Variants in BLM observed in about 807,000 individuals in gnomAD.
The protein encoded by BLM is BLM RecQ like helicase, also known as recQ-like DNA helicase BLM.
Under a neutral mutation model 135.3 loss-of-function variants are expected in BLM, and 95 were observed. The ratio of observed to expected loss-of-function variants is 0.70; its 90% CI spans 0.59 to 0.83. The LOEUF is 0.83. Ranked by LOEUF, BLM falls within the 40% of genes least tolerant of loss-of-function variation. The pLI is 0.00. For synonymous variants in BLM, 520 were observed against 589.2 expected (o/e 0.88, Z 1.70); for missense variants, 1,518 against 1,663.9 (o/e 0.91, Z 1.53).
chr15:90,807,835 C>T (rs1188198099), intron 19 of BLM, among the ~76,000 whole-genome samples: 1 of 152,172 alleles, frequency 6.6e-6, no homozygotes, highest in Non-Finnish European at 1.5e-5. Context: ...AGACTCAATA[C>T]ATGAGGTACA....
At position 90,761,075 on chromosome 15, in the gene BLM, G is replaced by C. The variant is rs1360373872; in HGVS notation, c.1702G>C (p.Glu568Gln). The C allele has an allele frequency of 1.8e-5, 28 of 1,574,562 alleles. No homozygotes were observed. The Admixed American group carries it at 5.3e-4, about 30-fold the overall frequency. Residue 568 changes from glutamate to glutamine, a missense_variant, in exon 7 of 22, where the codon GAA becomes CAA. This residue lies in a region of BLM where 724 missense variants were observed against 756.9 expected (regional missense o/e 0.96). Coordinates refer to ENST00000355112, the MANE Select transcript of BLM (RefSeq NM_000057.4). ...IDDFDDDDDW[E>Q]DIMHNLAASK... ...TGACTTTGATGATGATGATGACTGGGAAGACATAATGCATAATTTAGCAGC... is the reference window on the plus strand; with the variant it reads ...TGACTTTGATGATGATGATGACTGGCAAGACATAATGCATAATTTAGCAGC...
chr15:90,790,598 T>C, intron 14 of BLM, 51 bp from the exon 15 acceptor site: 5 of 1,536,008 alleles, frequency 3.3e-6, no homozygotes, highest in Non-Finnish European at 4.5e-6. Context: ...ATGAAAATGT[T>C]CCTTCAAGTC....
chr15:90,788,466 G>GTT (rs1210685761), intron 14 of BLM, among the ~76,000 whole-genome samples: 5 of 58,864 alleles, frequency 8.5e-5, no homozygotes, highest in African/African-American at 2.7e-4. Context: ...AAATGCCAGT[G>GTT]TTTTGTTTTT....
chr15:90,735,517 T>G (rs1895191440), intron 1 of BLM, among the ~76,000 whole-genome samples: 1 of 151,894 alleles, frequency 6.6e-6, no homozygotes, highest in Non-Finnish European at 1.5e-5. Context: ...AAGTCAATAA[T>G]TAGTCTCCTA....
chr15:90,804,979 G>A (rs1247074335), intron 19 of BLM, among the ~76,000 whole-genome samples: 1 of 152,040 alleles, frequency 6.6e-6, no homozygotes, highest in Admixed American at 6.5e-5. Context: ...TGGGATTACA[G>A]GCATGTGCCA....
intron 16 of BLM, among the ~76,000 whole-genome samples, chr15:90,795,933 T>C (rs1596261321): frequency 1.3e-5 from 2 of 152,310 alleles, no homozygotes; most frequent in South Asian, 4.1e-4. Flanking sequence ...GGGAGTTAGC[T>C]GGCAGCTCCC....
At chr15:90,798,028 A>C (rs1486136337) in intron 16 of BLM, among the ~76,000 whole-genome samples, 162 bp from the exon 17 acceptor site, 2 of 152,166 alleles carry the variant, frequency 1.3e-5, no homozygotes, top group Admixed American at 6.5e-5. Context: ...TAGTTGTTCT[A>C]GAACTTAGAT....
chr15:90,771,608 T>C (rs955772652), intron 12 of BLM, among the ~76,000 whole-genome samples: 14 of 149,848 alleles, frequency 9.3e-5, no homozygotes, highest in African/African-American at 2.9e-4. Context: ...TTTTTTTTTT[T>C]TTTTTTTTGG....
chr15:90,739,345 G>C (rs1306252368), intron 1 of BLM, among the ~76,000 whole-genome samples: 1 of 152,140 alleles, frequency 6.6e-6, no homozygotes, highest in African/African-American at 2.4e-5. Flanking sequence ...AGGTTGCAGT[G>C]AGCTGAGATT....
At chr15:90,753,089 G>A (rs990042635) in intron 4 of BLM, among the ~76,000 whole-genome samples, 1 of 152,198 alleles carries the variant, frequency 6.6e-6, no homozygotes, top group African/African-American at 2.4e-5. Flanking sequence ...GCACTGCTGG[G>A]TGCGGTGGCA....
chr15:90,748,006 C>T (rs2151145630), intron 2 of BLM, among the ~76,000 whole-genome samples: 1 of 151,768 alleles, frequency 6.6e-6, no homozygotes, highest in South Asian at 2.1e-4. Context: ...GACGGTTTCA[C>T]CTTGTTAGCC....
intron 19 of BLM, among the ~76,000 whole-genome samples, chr15:90,808,562 A>G (rs1404369547): frequency 6.6e-6 from 1 of 152,218 alleles, no homozygotes. Flanking sequence ...CCTTTAAATG[A>G]CAGGCTTGTC....
chr15:90,724,309 A>G (rs1416530841), intron 1 of BLM, among the ~76,000 whole-genome samples: 1 of 152,106 alleles, frequency 6.6e-6, no homozygotes, highest in Non-Finnish European at 1.5e-5. Flanking sequence ...CACTTCATCT[A>G]GTCAATTTTT....
intron 14 of BLM, among the ~76,000 whole-genome samples, chr15:90,789,987 G>GTTTTTTTTTTTTTTTTTTTT (rs61059865): frequency 1.7e-5 from 1 of 57,358 alleles, no homozygotes; most frequent in East Asian, 7.0e-4. Context: ...AGTCCCTGGT[G>GTTTTTTTTTTTTTTTTTTTT]TTTTTTTTTT....
At chr15:90,771,741 T>C (rs1180920446) in intron 12 of BLM, among the ~76,000 whole-genome samples, 1 of 152,120 alleles carries the variant, frequency 6.6e-6, no homozygotes, top group Non-Finnish European at 1.5e-5. Context: ...CCGGATGCAA[T>C]CTACTGTTCT....
intron 13 of BLM, among the ~76,000 whole-genome samples, chr15:90,784,528 T>C (rs1896696326): frequency 6.6e-6 from 1 of 151,622 alleles, no homozygotes; most frequent in African/African-American, 2.4e-5. Context: ...TGAAGATAGC[T>C]TTTCACCATG....
At chr15:90,812,359 T>C (rs1897443547) in intron 21 of BLM, among the ~76,000 whole-genome samples, 1 of 152,224 alleles carries the variant, frequency 6.6e-6, no homozygotes, top group African/African-American at 2.4e-5. Context: ...CATGTTTTCC[T>C]GGGCCGCTCG....
rs8030187 is a variant in BLM, at chr15:90,747,520, T to G, written c.98+30T>G. On this transcript the variant is annotated intron_variant, in intron 2 of 21. Coordinates refer to ENST00000355112, the MANE Select transcript of BLM (RefSeq NM_000057.4). The stretch of plus-strand genomic sequence containing the variant: ...GTGTTTTGACTGGTTTGCTGTCACA[T>G]AGGCACTAACTTACCACATTGTACA... 4.0e-4 allele frequency: 559 copies of G among 1,396,174 alleles called. 1 individual carries two copies. The African/African-American group carries it at 6.8e-3, about 17-fold the overall frequency. 86.5% of individuals were successfully genotyped at this position (1,396,174 alleles called of 1,614,324 possible).
At chr15:90,742,364 T>C (rs1029650360) in intron 1 of BLM, among the ~76,000 whole-genome samples, 3 of 152,130 alleles carry the variant, frequency 2.0e-5, no homozygotes, top group African/African-American at 7.2e-5. Context: ...AGCAGAAGAC[T>C]GGAAACAGAA....
Sources: gnomAD v4.1 joint callset for allele counts (sites outside exome capture counted in the v4.1 genomes callset) on GRCh38, gnomAD v4.1.1 for gene constraint, gnomAD v4.1.1 regional missense constraint, MANE v1.5 for transcripts, NCBI Gene and HGNC (gene_info 2026-07-23, HGNC 2026-07-21) for gene names.